Variants in PTPN18 observed in about 807,000 individuals in gnomAD.
PTPN18 encodes the protein protein tyrosine phosphatase non-receptor type 18.
Under a neutral mutation model 65.4 loss-of-function variants are expected in PTPN18, and 65 were observed. The ratio of observed to expected loss-of-function variants is 0.99; its 90% CI spans 0.81 to 1.22. The LOEUF is 1.22. Ranked by LOEUF, PTPN18 falls within the 50% of genes most tolerant of loss-of-function variation. The pLI is 0.00. For missense variants in PTPN18, 616 were observed against 646.5 expected (o/e 0.95, Z 0.51); for synonymous variants, 255 against 267.8 (o/e 0.95, Z 0.47).
intron 1 of PTPN18, among the ~76,000 whole-genome samples, chr2:130,358,281 C>T (rs919537799): frequency 1.3e-5 from 2 of 152,174 alleles, no homozygotes; most frequent in Non-Finnish European, 2.9e-5. Context: ...ATTGAGATTA[C>T]GAATACCTGA....
At position 130,359,463 on chromosome 2, in the gene PTPN18, T is replaced by C; in HGVS notation, c.346T>C (p.Trp116Arg). The C allele has an allele frequency of 6.2e-7, 1 of 1,614,178 alleles. No individual in the cohort carries two copies. ...GPLPHTLLDF[W>R]RLVWEFGVKV... ...CTTGCCTCACACCCTGCTAGACTTC[T>C]GGAGACTGGTCTGGGAGTTTGGGGT... Residue 116 changes from tryptophan to arginine, a missense_variant, in exon 4 of 15, where the codon TGG becomes CGG. Coordinates refer to ENST00000175756, the MANE Select transcript of PTPN18 (RefSeq NM_014369.4).
At position 130,358,170 on chromosome 2, in the gene PTPN18, A is replaced by G. The variant is rs138617768; in HGVS notation, c.94-697A>G. Reference sequence around the variant, plus strand: ...CTGCGCTCTTCTAGGTGTTCCCACTACACAAGGGCATCATGAGGGCTTAAA... The same window carrying G: ...CTGCGCTCTTCTAGGTGTTCCCACTGCACAAGGGCATCATGAGGGCTTAAA... On this transcript the variant is annotated intron_variant, in intron 1 of 14. Transcript: ENST00000175756. Among the ~76,000 whole-genome samples, 13 of 152,310 alleles carry G rather than the reference A, an allele frequency of 8.5e-5. No individual in the cohort carries two copies. In the East Asian group the frequency reaches 2.1e-3, roughly 25 times the overall value.
chr2:130,356,518 AG>A, intron 1 of PTPN18: 2 of 496,326 alleles, frequency 4.0e-6, no homozygotes, highest in East Asian at 5.7e-5. Flanking sequence ...CGGGCGCCGC[AG>A]GGGAGGGCGG....
At chr2:130,358,726 G>A in intron 1 of PTPN18, 141 bp from the exon 2 acceptor site, 1 of 660,226 alleles carries the variant, frequency 1.5e-6, no homozygotes, top group Non-Finnish European at 2.7e-6. Flanking sequence ...TATTAGGCAG[G>A]CCCAGTGCCA....
At chr2:130,356,259 GTCC>G in intron 1 of PTPN18, 59 bp downstream of exon 1, 1 of 1,199,192 alleles carries the variant, frequency 8.3e-7, no homozygotes. Context: ...GCGTACGCCT[GTCC>G]TCCGCGCACG....
intron 5 of PTPN18, chr2:130,362,063 G>T: frequency 2.2e-6 from 1 of 459,360 alleles, no homozygotes. Context: ...AAAATCCTGG[G>T]CTCAAATGAT....
At chr2:130,365,848 T>C (rs562609916) in intron 5 of PTPN18, among the ~76,000 whole-genome samples, 2 of 152,368 alleles carry the variant, frequency 1.3e-5, no homozygotes, top group South Asian at 4.1e-4. Flanking sequence ...TGAACCGTCT[T>C]GGCCCCTTTG....
chr2:130,369,348 G>A, intron 6 of PTPN18, 147 bp downstream of exon 6: 2 of 730,814 alleles, frequency 2.7e-6, no homozygotes, highest in South Asian at 3.6e-5. Flanking sequence ...CTTACTATAG[G>A]GATAGCCTTT....
rs1270996969 is a variant in PTPN18, at chr2:130,372,622, C to T, written c.1240+139C>T. The T allele has an allele frequency of 5.1e-6, 6 of 1,175,470 alleles. No homozygotes were observed. The African/African-American group carries it at 7.8e-5, about 15-fold the overall frequency. The allele number at this position is 1,175,470 out of a possible 1,614,324, so 72.8% of individuals were successfully genotyped here. On this transcript the variant is annotated intron_variant, in intron 13 of 14. Coordinates refer to ENST00000175756, the MANE Select transcript of PTPN18 (RefSeq NM_014369.4). ...CTGGCCACGCCCCGACGCTGATGTC[C>T]AGGCGTCCCTGGCCACGCCCCGGAA...
Position 130,356,063 on chromosome 2 carries a change from C to CCG in PTPN18, c.-36_-35dup, listed in dbSNP as rs981437397. On this transcript the variant is annotated 5_prime_UTR_variant, in exon 1 of 15. Transcript: ENST00000175756. ...CCGCCTCCCGCGGCGTCCACACTCG[C>CCG]CGCGCGCGCGGCGGCCGGGCTGGAC... 7 of 1,183,950 alleles carry CCG rather than the reference C, an allele frequency of 5.9e-6. No individual in the cohort carries two copies. Among genetic ancestry groups the CCG allele is most frequent in the Admixed American group, 4.4e-5 (1 of 22,838 alleles). 73.3% of individuals were successfully genotyped at this position (1,183,950 alleles called of 1,614,324 possible).
chr2:130,356,234 C>T (rs113200919), intron 1 of PTPN18, 34 bp downstream of exon 1: 78 of 1,288,740 alleles, frequency 6.1e-5, no homozygotes, highest in Non-Finnish European at 6.1e-5. Flanking sequence ...AGCGGCGCGC[C>T]CCGGCCCTGG....
intron 1 of PTPN18, among the ~76,000 whole-genome samples, chr2:130,358,468 G>A (rs1296869049): frequency 6.6e-6 from 1 of 152,132 alleles, no homozygotes; most frequent in East Asian, 1.9e-4. Flanking sequence ...TTGCTTACAA[G>A]ACAATGTCAC....
In PTPN18 at chr2:130,370,560, G is replaced by T. The variant is rs201707177; in HGVS notation, c.693G>T (p.Ala231=). ...CACACTCTGATTCTCTTGTCAGTGC[G>T]GGTTGTGGGCGAACAGGCGTCCTGT... ...GPEPLCVHCS[A]GCGRTGVLCT... is the part of the protein sequence containing the mutation. Residue 231 remains alanine, a synonymous_variant, in exon 9 of 15, where the codon GCG becomes GCT. Coordinates refer to ENST00000175756, the MANE Select transcript of PTPN18 (RefSeq NM_014369.4). The T allele has an allele frequency of 1.2e-6, 2 of 1,614,118 alleles. No homozygotes were observed. The highest frequency in any genetic ancestry group is 2.2e-5 in the South Asian group (2 of 91,078).
At position 130,370,855 on chromosome 2, in the gene PTPN18, A is replaced by G; in HGVS notation, c.835-20A>G. On this transcript the variant is annotated intron_variant, in intron 10 of 14. Coordinates refer to ENST00000175756, the MANE Select transcript of PTPN18 (RefSeq NM_014369.4). Reference sequence around the variant, plus strand: ...CATTTGCCCCTGCCTTCCCTTCTTGATGGTCCCTCACCCCAACAGGAGCAG... The same window carrying G: ...CATTTGCCCCTGCCTTCCCTTCTTGGTGGTCCCTCACCCCAACAGGAGCAG... 6.2e-7 allele frequency: 1 copy of G among 1,613,310 alleles called. No individual in the cohort carries two copies. The highest frequency in any genetic ancestry group is 2.2e-5 in the East Asian group (1 of 44,858).
At position 130,372,371 on chromosome 2, in the gene PTPN18, G is replaced by A. The variant is rs1385124800; in HGVS notation, c.1128G>A (p.Thr376=). Residue 376 remains threonine, a synonymous_variant, in exon 13 of 15, where the codon ACG becomes ACA. Coordinates refer to ENST00000175756, the MANE Select transcript of PTPN18 (RefSeq NM_014369.4). The stretch of plus-strand genomic sequence containing the variant: ...GTGGGACGCAGACGGGGACGGGGAC[G>A]GGGACGGGGGCGCGCAGCGCGGAGG... ...AGSGTQTGTG[T]GTGARSAEEA... The A allele has an allele frequency of 1.5e-6, 2 of 1,364,058 alleles. No individual in the cohort carries two copies. Among genetic ancestry groups the A allele is most frequent in the Admixed American group, 3.7e-5 (1 of 26,734 alleles). The allele number at this position is 1,364,058 out of a possible 1,614,324, so 84.5% of individuals were successfully genotyped here.
intron 4 of PTPN18, 39 bp from the exon 5 acceptor site, chr2:130,359,569 C>T (rs374657886): frequency 1.3e-4 from 211 of 1,613,516 alleles, no homozygotes; most frequent in Middle Eastern, 8.2e-4. Flanking sequence ...GGCCCCCTCA[C>T]CCAAATCACC....
chr2:130,364,124 A>G (rs562879810), intron 5 of PTPN18, among the ~76,000 whole-genome samples: 33 of 152,318 alleles, frequency 2.2e-4, no homozygotes, highest in African/African-American at 6.7e-4. Context: ...ATTCAATTGA[A>G]TTAAGTACAT....
chr2:130,364,751 G>A (rs886696543), intron 5 of PTPN18, among the ~76,000 whole-genome samples: 17 of 152,176 alleles, frequency 1.1e-4, no homozygotes, highest in African/African-American at 3.6e-4. Flanking sequence ...AGCCGAGATC[G>A]CACCACCGCA....
At position 130,373,039 on chromosome 2, in the gene PTPN18, G is replaced by A; in HGVS notation, c.1315+92G>A. The A allele has an allele frequency of 2.6e-6, 4 of 1,565,816 alleles. No homozygotes were observed. The South Asian group carries it at 3.4e-5, about 13-fold the overall frequency. On this transcript the variant is annotated intron_variant, in intron 14 of 14. Coordinates refer to ENST00000175756, the MANE Select transcript of PTPN18 (RefSeq NM_014369.4). The surrounding 1 kb of genome is among the most constrained non-coding windows in gnomAD (Gnocchi z 4.1). ...GATGGGGCATGGAGCTTAGTCCTGT[G>A]GATGTGGCTGCAGTGAACCAGGAGG... is the stretch of plus-strand genomic sequence containing the variant.
Sources: gnomAD v4.1 joint callset for allele counts (sites outside exome capture counted in the v4.1 genomes callset) on GRCh38, gnomAD v4.1.1 for gene constraint, Gnocchi (gnomAD v3.1) non-coding constraint, MANE v1.5 for transcripts, NCBI Gene and HGNC (gene_info 2026-07-23, HGNC 2026-07-21) for gene names.